The following RAB38 variants were observed in gnomAD, a reference collection of about 807,000 sequenced individuals.
The protein encoded by RAB38 is ras-related protein Rab-38.
A neutral mutation model predicts 18.4 loss-of-function variants in RAB38; 15 were observed. The observed-to-expected ratio is 0.82, with a 90% confidence interval of 0.55 to 1.26. The LOEUF (loss-of-function observed/expected upper bound fraction) is 1.26. RAB38 is among the 50% of genes most tolerant of loss of function. The pLI, the probability that RAB38 is intolerant of heterozygous loss-of-function variation, is 0.00. For missense variants in RAB38, 294 were observed against 267.4 expected, an observed-to-expected ratio of 1.10 and a Z score of -0.69; for synonymous variants, 101 against 104.4, an observed-to-expected ratio of 0.97 and a Z score of 0.20.
intron 2 of RAB38, among the ~76,000 whole-genome samples, chr11:88,147,647 C>T (rs1943006759): frequency 2.6e-5 from 4 of 151,182 alleles, no homozygotes; most frequent in African/African-American, 9.7e-5. Context: ...AATCCCAGCA[C>T]TTTGGGAGGC....
chr11:87,885,462 A>G, the RAB38 span, among the ~76,000 whole-genome samples: 16 of 152,146 alleles, frequency 1.1e-4, no homozygotes, highest in East Asian at 3.9e-4. Context: ...GAGTTATCCT[A>G]TCTGACAAAT....
chr11:88,098,072 T>C, the RAB38 span: 1 of 151,932 alleles, frequency 6.6e-6, no homozygotes, highest in Non-Finnish European at 1.5e-5. Context: ...TGAGCCACTG[T>C]AGAACAGCTG....
chr11:87,977,805 GTT>G, the RAB38 span, among the ~76,000 whole-genome samples: 3 of 105,780 alleles, frequency 2.8e-5, no homozygotes, highest in East Asian at 5.8e-4. Context: ...ATATTATAGA[GTT>G]ATATATTAAA....
At chr11:88,007,079 T>C in the RAB38 span, among the ~76,000 whole-genome samples, 2 of 151,866 alleles carry the variant, frequency 1.3e-5, no homozygotes, top group Admixed American at 6.6e-5. Flanking sequence ...GATTACACAA[T>C]TTATACATGT....
At chr11:87,843,831 T>C in the RAB38 span, among the ~76,000 whole-genome samples, 2 of 152,332 alleles carry the variant, frequency 1.3e-5, no homozygotes, top group East Asian at 3.9e-4. Flanking sequence ...AAAGAAAATC[T>C]ATTATAGGGT....
At chr11:87,967,240 A>G in the RAB38 span, among the ~76,000 whole-genome samples, 2 of 152,116 alleles carry the variant, frequency 1.3e-5, no homozygotes, top group African/African-American at 4.8e-5. Flanking sequence ...TTATTATTAA[A>G]TTATTGTAAT....
chr11:87,937,882 T>G, the RAB38 span, among the ~76,000 whole-genome samples: 2 of 151,514 alleles, frequency 1.3e-5, no homozygotes, highest in Non-Finnish European at 2.9e-5. Context: ...TTTTTTTTTT[T>G]TTTTTTTTTA....
At chr11:88,142,266 G>C (rs1328642268) in intron 2 of RAB38, among the ~76,000 whole-genome samples, 1 of 152,194 alleles carries the variant, frequency 6.6e-6, no homozygotes, top group Non-Finnish European at 1.5e-5. Flanking sequence ...CTTTGAGCAA[G>C]TCCCTTAATC....
At chr11:88,030,181 T>C in the RAB38 span, among the ~76,000 whole-genome samples, 1 of 152,038 alleles carries the variant, frequency 6.6e-6, no homozygotes, top group Non-Finnish European at 1.5e-5. Context: ...TTGAAACCAA[T>C]GAGAAAAAGA....
At chr11:87,826,758 T>A in the RAB38 span, among the ~76,000 whole-genome samples, 1 of 152,148 alleles carries the variant, frequency 6.6e-6, no homozygotes, top group African/African-American at 2.4e-5. Context: ...ATGACAGTGC[T>A]AGAACTTTAA....
intron 1 of RAB38, among the ~76,000 whole-genome samples, chr11:88,168,143 G>A (rs886791476): frequency 3.3e-5 from 5 of 152,128 alleles, no homozygotes; most frequent in African/African-American, 1.2e-4. Flanking sequence ...CAGGTGTCAT[G>A]TTCTACTTAT....
intron 1 of RAB38, among the ~76,000 whole-genome samples, chr11:88,155,339 C>T (rs1460396822): frequency 6.6e-6 from 1 of 152,122 alleles, no homozygotes; most frequent in African/African-American, 2.4e-5. Context: ...GCCACATTGA[C>T]CACAGCCTGC....
At chr11:88,170,405 T>C (rs1247945589) in intron 1 of RAB38, among the ~76,000 whole-genome samples, 1 of 152,220 alleles carries the variant, frequency 6.6e-6, no homozygotes, top group Non-Finnish European at 1.5e-5. Context: ...AGACCCATCT[T>C]CTACAACTGC....
the RAB38 span, among the ~76,000 whole-genome samples, chr11:87,936,663 C>T: frequency 6.6e-6 from 1 of 151,974 alleles, no homozygotes; most frequent in Admixed American, 6.6e-5. Flanking sequence ...TATTCTAGCT[C>T]ATTAGCCTTC....
At chr11:88,053,776 G>A in the RAB38 span, among the ~76,000 whole-genome samples, 16 of 150,542 alleles carry the variant, frequency 1.1e-4, no homozygotes, top group African/African-American at 3.9e-4. Context: ...GCACTGTTAG[G>A]AGAAAGGACT....
chr11:87,833,637 T>C, the RAB38 span, among the ~76,000 whole-genome samples: 1 of 152,246 alleles, frequency 6.6e-6, no homozygotes, highest in Admixed American at 6.5e-5. Flanking sequence ...TTGTAAGTAC[T>C]GTTATCACCT....
At chr11:87,976,376 T>C in the RAB38 span, among the ~76,000 whole-genome samples, 4 of 140,892 alleles carry the variant, frequency 2.8e-5, no homozygotes, top group Admixed American at 7.5e-5. Flanking sequence ...TATATACAAA[T>C]ACAAATATTT....
At chr11:88,170,850 C>A (rs1291356906) in intron 1 of RAB38, among the ~76,000 whole-genome samples, 1 of 141,286 alleles carries the variant, frequency 7.1e-6, no homozygotes, top group Non-Finnish European at 1.5e-5. Context: ...TTATTTTCCA[C>A]TATAGCAATA....
chr11:88,146,475 G>C (rs989156601), intron 2 of RAB38, among the ~76,000 whole-genome samples: 1 of 151,990 alleles, frequency 6.6e-6, no homozygotes. Context: ...ATACCTATGG[G>C]AAATGTTCTC....
Sources: allele counts gnomAD v4.1 joint callset (sites outside exome capture counted in the v4.1 genomes callset), GRCh38; gene constraint gnomAD v4.1.1; transcripts MANE v1.5; gene names NCBI Gene and HGNC (gene_info 2026-07-23, HGNC 2026-07-21).